The following RIF1 variants were observed in gnomAD, a reference collection of about 807,000 sequenced individuals.
RIF1 encodes replication timing regulatory factor 1.
Under a neutral mutation model 247.1 loss-of-function variants are expected in RIF1, and 45 were observed. That is an observed-to-expected ratio of 0.18 (90% CI 0.14 to 0.23). The LOEUF is 0.23. Among genes scored for constraint, RIF1 ranks in the 10% least tolerant of loss-of-function variants. The probability of loss-of-function intolerance (pLI) is 1.00; values close to 1 mark genes in which losing one functional copy is unlikely to be tolerated. For synonymous variants in RIF1, 1,087 were observed against 978.8 expected, an observed-to-expected ratio of 1.11 and a Z score of -2.06; for missense variants, 2,967 against 2,862.5, an observed-to-expected ratio of 1.04 and a Z score of -0.83.
chr2:151,516,504 T>C, the RIF1 span: 2 of 1,613,662 alleles, frequency 1.2e-6, no homozygotes, highest in Non-Finnish European at 1.7e-6. Context: ...TGTACGTTGG[T>C]GTTTCAAAGT....
intron 20 of RIF1, 56 bp from the exon 21 acceptor site, chr2:151,451,550 T>C: frequency 3.5e-6 from 3 of 850,220 alleles, no homozygotes; most frequent in Non-Finnish European, 6.1e-6. Flanking sequence ...TGCTTACTTT[T>C]GTTGAATACT....
rs369094048 is a variant in RIF1 at position 151,411,345 on chromosome 2, A to G, written c.183+7A>G. 5 of 1,518,284 alleles carry G rather than the reference A, an allele frequency of 3.3e-6. No homozygotes were observed. The African/African-American group carries it at 4.2e-5, about 13-fold the overall frequency. 94.1% of individuals were successfully genotyped at this position (1,518,284 alleles called of 1,614,324 possible). On this transcript the variant is annotated splice_region_variant and intron_variant, in intron 3 of 35. Coordinates refer to ENST00000444746, the MANE Select transcript of RIF1 (RefSeq NM_018151.5). Reference sequence around the variant, plus strand: ...GCTGTACAAAGTTTTAAAGGTATGTATCTGTTTGTTAAACAGTTTTTCACT... The same window carrying G: ...GCTGTACAAAGTTTTAAAGGTATGTGTCTGTTTGTTAAACAGTTTTTCACT...
Position 151,441,943 on chromosome 2 carries a change from A to G in RIF1, c.1686A>G (p.Lys562=). Residue 562 remains lysine, a synonymous_variant, in exon 16 of 36, where the codon AAA becomes AAG. Transcript: ENST00000444746. ...TTACAATTAAAGGACTTCCTCAGAA[A>G]GTATTAGGTTCACCAGCATATCAGG... ...MEITIKGLPQ[K]VLGSPAYQVA... 2 of 1,568,112 alleles carry G rather than the reference A, an allele frequency of 1.3e-6. No individual in the cohort carries two copies. The highest frequency in any genetic ancestry group is 1.7e-6 in the Non-Finnish European group (2 of 1,151,112).
chr2:151,494,391 A>C (rs1277129370), intron 9 of RIF1: 1 of 656,922 alleles, frequency 1.5e-6, no homozygotes, highest in Non-Finnish European at 2.7e-6. Flanking sequence ...GGAAAGTAGT[A>C]TGTTTCCTAA....
In RIF1 at chr2:151,449,693, T is replaced by C. The variant is rs1481316375; in HGVS notation, c.2245-1913T>C. Among the ~76,000 whole-genome samples the C allele has an allele frequency of 3.3e-5, 5 of 152,250 alleles. No homozygotes were observed. The East Asian group carries it at 9.6e-4, about 29-fold the overall frequency. On this transcript the variant is annotated intron_variant, in intron 20 of 35. Transcript: ENST00000444746. ...TCTAAGTCTACCAAGGAAAACAACA[T>C]GTAGTTTTATTTTATTGATCATTAC...
At position 151,451,654 on chromosome 2, in the gene RIF1, G is replaced by A; in HGVS notation, c.2293G>A (p.Asp765Asn). Residue 765 changes from aspartate (D) to asparagine (N), a missense_variant, in exon 21 of 36, where the codon GAT becomes AAT. Coordinates refer to ENST00000444746, the MANE Select transcript of RIF1 (RefSeq NM_018151.5). ...RIIYIITVMVDCIDFSPYNIK... is the reference protein window; with the variant it reads ...RIIYIITVMVNCIDFSPYNIK... ...TATTTATATTATTACTGTAATGGTT[G>A]ATTGCATTGACTTCTCACCATATAA... 6.7e-7 allele frequency: 1 copy of A among 1,481,722 alleles called. No individual in the cohort carries two copies. The highest frequency in any genetic ancestry group is 9.4e-7 in the Non-Finnish European group (1 of 1,060,988). 91.8% of individuals were successfully genotyped at this position (1,481,722 alleles called of 1,614,324 possible).
intron 9 of RIF1, chr2:151,492,466 TG>T: frequency 6.2e-7 from 1 of 1,613,532 alleles, no homozygotes; most frequent in Non-Finnish European, 8.5e-7. Context: ...GCCTTGTATT[TG>T]TTTCCGGAAA....
At chr2:151,428,997 G>GT in intron 9 of RIF1, 75 bp downstream of exon 9, 1 of 977,058 alleles carries the variant, frequency 1.0e-6, no homozygotes, top group South Asian at 1.6e-5. Context: ...AGTTTTTCTG[G>GT]TTTTTTGGAT....
the RIF1 span, chr2:151,534,399 A>G: frequency 8.3e-7 from 1 of 1,206,078 alleles, no homozygotes; most frequent in Non-Finnish European, 1.2e-6. Flanking sequence ...AACACTCCAG[A>G]GGGCCAGAAC....
At chr2:151,514,190 G>A in the RIF1 span, 1 of 673,752 alleles carries the variant, frequency 1.5e-6, no homozygotes, top group Non-Finnish European at 2.6e-6. Flanking sequence ...ATGTTGATAT[G>A]GAATCTGAAA....
chr2:151,493,250 AT>A, intron 9 of RIF1: 1 of 923,080 alleles, frequency 1.1e-6, no homozygotes. Context: ...CTCTTTTAAA[AT>A]TTTAGTGTGT....
In RIF1 at chr2:151,446,421, G is replaced by T. The variant is rs1408366454; in HGVS notation, c.2095-5G>T. 1 of 1,611,634 alleles carries T rather than the reference G, an allele frequency of 6.2e-7. No individual in the cohort carries two copies. Among genetic ancestry groups the T allele is most frequent in the Non-Finnish European group, 8.5e-7 (1 of 1,178,682 alleles). On this transcript the variant is annotated splice_region_variant and splice_polypyrimidine_tract_variant and intron_variant, in intron 19 of 35. Coordinates refer to ENST00000444746, the MANE Select transcript of RIF1 (RefSeq NM_018151.5). ...CAAAACTTCTTTTTTTGTTGTTATT[G>T]GTAGGCCACCATGAAGACTTTGCTT...
chr2:151,425,695 C>CTT (rs1288406572), intron 8 of RIF1, among the ~76,000 whole-genome samples: 2 of 98,734 alleles, frequency 2.0e-5, no homozygotes. Context: ...GAGACAGAGT[C>CTT]TTACTCTGTT....
At position 151,498,388 on chromosome 2, in the gene RIF1, A is replaced by AATC. The variant is rs1324549660; in HGVS notation, c.*514-955_*514-953dup. On this transcript the variant is annotated intron_variant and NMD_transcript_variant, in intron 10 of 13. Transcript: ENST00000454583. ...AGAAAGCATCCAGAACAAAAAAAGC[A>AATC]ATCAATCAGTCATTTTCCCCCTGCT... The AATC allele has an allele frequency of 2.1e-6, 3 of 1,439,630 alleles. No homozygotes were observed. The South Asian group carries it at 3.8e-5, about 18-fold the overall frequency. The allele number at this position is 1,439,630 out of a possible 1,614,324, so 89.2% of individuals were successfully genotyped here. A position where few individuals can be genotyped will look rare whatever the true frequency, so the allele number is the denominator to read the frequency against.
At chr2:151,524,424 G>C in the RIF1 span, 2 of 1,613,874 alleles carry the variant, frequency 1.2e-6, no homozygotes, top group Admixed American at 3.3e-5. Flanking sequence ...ACCTGAATCA[G>C]AGAAAACCAA....
At chr2:151,421,662 A>C (rs908510904) in intron 7 of RIF1, among the ~76,000 whole-genome samples, 18 of 151,734 alleles carry the variant, frequency 1.2e-4, no homozygotes, top group Admixed American at 1.1e-3. Flanking sequence ...CTCCCACTTC[A>C]CTCTCCCAAA....
intron 8 of RIF1, 94 bp downstream of exon 8, chr2:151,423,136 CT>C (rs1688451583): frequency 1.4e-6 from 1 of 696,812 alleles, no homozygotes; most frequent in Non-Finnish European, 2.5e-6. Context: ...TCATTATTTC[CT>C]TTGTACAGCT....
intron 23 of RIF1, 89 bp downstream of exon 23, chr2:151,456,709 T>C (rs1695247550): frequency 2.6e-6 from 2 of 755,714 alleles, no homozygotes; most frequent in Non-Finnish European, 2.1e-6. Context: ...ATTCTGCTGA[T>C]TTTTAAAGGG....
chr2:151,516,854 G>T, the RIF1 span, among the ~76,000 whole-genome samples: 1 of 152,180 alleles, frequency 6.6e-6, no homozygotes, highest in Non-Finnish European at 1.5e-5. Flanking sequence ...GCAAGAAAAC[G>T]CATGGGGAAA....
Sources: gnomAD v4.1 joint callset for allele counts (sites outside exome capture counted in the v4.1 genomes callset) on GRCh38, gnomAD v4.1.1 for gene constraint, MANE v1.5 for transcripts, NCBI Gene and HGNC (gene_info 2026-07-23, HGNC 2026-07-21) for gene names.